Variants in CSNK2A2IP observed in about 807,000 individuals in gnomAD.
The protein encoded by CSNK2A2IP is casein kinase 2 subunit alpha' interacting protein, also known as casein kinase II subunit alpha'-interacting protein.
chr3:88,339,115 T>G, the CSNK2A2IP span, among the ~76,000 whole-genome samples: 4 of 152,112 alleles, frequency 2.6e-5, no homozygotes, highest in Non-Finnish European at 5.9e-5. Flanking sequence ...TAGTGTTAAC[T>G]ATAGTCATTC....
the CSNK2A2IP span, among the ~76,000 whole-genome samples, chr3:88,444,809 C>G: frequency 6.6e-6 from 1 of 152,140 alleles, no homozygotes; most frequent in Non-Finnish European, 1.5e-5. Context: ...AGCAAAATAT[C>G]TTGAATTGGA....
the CSNK2A2IP span, among the ~76,000 whole-genome samples, chr3:88,349,841 A>C: frequency 6.6e-6 from 1 of 152,010 alleles, no homozygotes; most frequent in South Asian, 2.1e-4. Flanking sequence ...TTCTCGCAGG[A>C]GTAAAGTGGT....
chr3:88,363,422 T>C, the CSNK2A2IP span, among the ~76,000 whole-genome samples: 7 of 152,332 alleles, frequency 4.6e-5, no homozygotes, highest in East Asian at 1.4e-3. Flanking sequence ...CTTTCATGTC[T>C]CTACTTAATT....
the CSNK2A2IP span, among the ~76,000 whole-genome samples, chr3:88,417,148 C>T: frequency 1.3e-5 from 2 of 151,458 alleles, no homozygotes; most frequent in Non-Finnish European, 2.9e-5. Flanking sequence ...TTATATACTG[C>T]GTTGATAGAC....
chr3:88,386,485 C>T, the CSNK2A2IP span, among the ~76,000 whole-genome samples: 1 of 152,116 alleles, frequency 6.6e-6, no homozygotes, highest in African/African-American at 2.4e-5. Context: ...GTTAAGCCAG[C>T]TTTGAGGTTT....
the CSNK2A2IP span, among the ~76,000 whole-genome samples, chr3:88,400,635 T>C: frequency 6.6e-6 from 1 of 152,120 alleles, no homozygotes; most frequent in East Asian, 1.9e-4. Context: ...CAGCAAGCTG[T>C]AACATTGAAG....
the CSNK2A2IP span, among the ~76,000 whole-genome samples, chr3:88,345,819 A>C: frequency 6.6e-6 from 1 of 151,984 alleles, no homozygotes; most frequent in African/African-American, 2.4e-5. Flanking sequence ...GTTCAAATGA[A>C]AGGAAGAGCT....
the CSNK2A2IP span, among the ~76,000 whole-genome samples, chr3:88,404,933 T>C: frequency 3.9e-5 from 6 of 152,156 alleles, no homozygotes; most frequent in Admixed American, 3.9e-4. Flanking sequence ...AACCCCCTGT[T>C]CCTGATATTT....
At chr3:88,387,716 T>G in the CSNK2A2IP span, among the ~76,000 whole-genome samples, 1 of 152,190 alleles carries the variant, frequency 6.6e-6, no homozygotes, top group South Asian at 2.1e-4. Flanking sequence ...TGTTTCCAGA[T>G]AAACTGTAAA....
At chr3:88,419,145 T>C in the CSNK2A2IP span, among the ~76,000 whole-genome samples, 4 of 152,210 alleles carry the variant, frequency 2.6e-5, no homozygotes, top group African/African-American at 9.6e-5. Flanking sequence ...TATAATTATT[T>C]CATTATATAT....
At chr3:88,450,295 G>A in the CSNK2A2IP span, among the ~76,000 whole-genome samples, 780 of 152,186 alleles carry the variant, frequency 5.1e-3, 10 homozygotes, top group African/African-American at 0.018. Context: ...ATCTCACATA[G>A]TTACTTTTTT....
chr3:88,392,653 T>C, the CSNK2A2IP span, among the ~76,000 whole-genome samples: 1 of 152,110 alleles, frequency 6.6e-6, no homozygotes, highest in Admixed American at 6.6e-5. Context: ...GGGTAAGACA[T>C]TAGTGACTTT....
chr3:88,387,916 G>A, the CSNK2A2IP span, among the ~76,000 whole-genome samples: 6 of 152,116 alleles, frequency 3.9e-5, no homozygotes, highest in South Asian at 2.1e-4. Flanking sequence ...CTGTAGAGAC[G>A]TGGTCTTGCT....
chr3:88,339,761 T>C, the CSNK2A2IP span, among the ~76,000 whole-genome samples: 1 of 152,108 alleles, frequency 6.6e-6, no homozygotes, highest in Non-Finnish European at 1.5e-5. Context: ...TGTAAATCTT[T>C]GAACATTGGC....
chr3:88,453,701 G>C, the CSNK2A2IP span, among the ~76,000 whole-genome samples: 1 of 151,924 alleles, frequency 6.6e-6, no homozygotes, highest in African/African-American at 2.4e-5. Flanking sequence ...TTGACTGGTG[G>C]GACTCTGTTT....
At chr3:88,386,119 T>C in the CSNK2A2IP span, among the ~76,000 whole-genome samples, 383 of 150,108 alleles carry the variant, frequency 2.6e-3, 2 homozygotes, top group African/African-American at 9.4e-3. Context: ...TTCTTTTCTA[T>C]GCTATTTTTT....
At chr3:88,445,980 T>C in the CSNK2A2IP span, among the ~76,000 whole-genome samples, 5 of 146,872 alleles carry the variant, frequency 3.4e-5, no homozygotes, top group Non-Finnish European at 7.5e-5. Flanking sequence ...CTCTCTCTCT[T>C]TCTTTCTTTT....
chr3:88,447,463 T>G, the CSNK2A2IP span, among the ~76,000 whole-genome samples: 1 of 152,088 alleles, frequency 6.6e-6, no homozygotes, highest in Non-Finnish European at 1.5e-5. Flanking sequence ...CTGTAGAAAC[T>G]AATCCAAAGA....
the CSNK2A2IP span, among the ~76,000 whole-genome samples, chr3:88,413,976 A>T: frequency 6.6e-6 from 1 of 151,814 alleles, no homozygotes; most frequent in Non-Finnish European, 1.5e-5. Flanking sequence ...AATAAAGACA[A>T]ATTAAGTAAA....
Sources: gnomAD v4.1 joint callset for allele counts (sites outside exome capture counted in the v4.1 genomes callset) on GRCh38, gnomAD v4.1.1 for gene constraint, MANE v1.5 for transcripts, NCBI Gene and HGNC (gene_info 2026-07-23, HGNC 2026-07-21) for gene names.